The following AFG1L variants were observed in gnomAD, a reference collection of about 807,000 sequenced individuals.
The protein encoded by AFG1L is AFG1 like ATPase, also known as AFG1-like ATPase.
AFG1L carries 53 observed loss-of-function variants against 62.2 expected under a neutral mutation model. That is an observed-to-expected ratio of 0.85 (90% CI 0.68 to 1.07). The LOEUF (loss-of-function observed/expected upper bound fraction) is 1.07, where lower values mean the gene tolerates loss of function less well. Ranked by LOEUF, AFG1L falls within the 50% of genes least tolerant of loss-of-function variation. The pLI, the probability that AFG1L is intolerant of heterozygous loss-of-function variation, is 0.00. For missense variants in AFG1L, 555 were observed against 590.5 expected (o/e 0.94, Z 0.62); for synonymous variants, 228 against 210.3 (o/e 1.08, Z -0.73).
chr6:108,510,436 T>G lies in AFG1L; in HGVS notation c.1203+84T>G, dbSNP rs1774602009. ...CTGGGCTGGAAATCCTGACTTAACA[T>G]ACTTCTATCACTTACTGCACCTCTT... On this transcript the variant is annotated intron_variant, in intron 11 of 12. Coordinates refer to ENST00000368977, the MANE Select transcript of AFG1L (RefSeq NM_145315.5). 40 of 1,037,084 alleles carry G rather than the reference T, an allele frequency of 3.9e-5. 1 individual carries two copies. In the South Asian group the frequency reaches 6.0e-4, roughly 16 times the overall value. 64.2% of individuals were successfully genotyped at this position (1,037,084 alleles called of 1,614,324 possible). A position where few individuals can be genotyped will look rare whatever the true frequency, so the allele number is the denominator to read the frequency against.
chr6:108,366,302 G>A lies in AFG1L; in HGVS notation c.718G>A (p.Val240Ile), dbSNP rs541941503. Residue 240 changes from valine (V) to isoleucine (I), a missense_variant, in exon 6 of 13, where the codon GTT becomes ATT. Transcript: ENST00000368977. ...AAATCTGTTCAAAAACGGGGTCGTC[G>A]TTGTGGCAACATCCAACAGGCCACC... is the stretch of plus-strand genomic sequence containing the variant. ...FENLFKNGVVVVATSNRPPED... is the reference protein window; with the variant it reads ...FENLFKNGVVIVATSNRPPED... 1.7e-5 allele frequency: 27 copies of A among 1,611,924 alleles called. No individual in the cohort carries two copies. Among genetic ancestry groups the A allele is most frequent in the Middle Eastern group, 1.7e-4 (1 of 6,048 alleles).
At chr6:108,462,369 A>C (rs1291042094) in intron 8 of AFG1L, among the ~76,000 whole-genome samples, 1 of 152,060 alleles carries the variant, frequency 6.6e-6, no homozygotes, top group Non-Finnish European at 1.5e-5. Context: ...GTGCCACTGC[A>C]CTCCAGCCTG....
At chr6:108,430,773 T>C (rs1355553964) in intron 7 of AFG1L, among the ~76,000 whole-genome samples, 1 of 152,234 alleles carries the variant, frequency 6.6e-6, no homozygotes, top group African/African-American at 2.4e-5. Context: ...TAAAAGGCAG[T>C]GGGGCATTTT....
intron 8 of AFG1L, among the ~76,000 whole-genome samples, chr6:108,452,949 T>C (rs1206275016): frequency 1.3e-5 from 2 of 152,196 alleles, no homozygotes; most frequent in African/African-American, 4.8e-5. Context: ...GGTTGCTCAC[T>C]ACACACACAA....
chr6:108,297,547 G>A (rs1010431751), intron 1 of AFG1L, among the ~76,000 whole-genome samples: 1 of 151,736 alleles, frequency 6.6e-6, no homozygotes, highest in Non-Finnish European at 1.5e-5. Flanking sequence ...ATCTTTTGAA[G>A]TCTACTATTT....
chr6:108,506,621 C>T (rs1774430800), intron 10 of AFG1L, among the ~76,000 whole-genome samples: 1 of 151,920 alleles, frequency 6.6e-6, no homozygotes, highest in Non-Finnish European at 1.5e-5. Flanking sequence ...GATCCACCCA[C>T]CTCAGGTTCC....
At chr6:108,331,676 G>A (rs1778283281) in intron 2 of AFG1L, among the ~76,000 whole-genome samples, 1 of 152,176 alleles carries the variant, frequency 6.6e-6, no homozygotes, top group African/African-American at 2.4e-5. Context: ...TGTGCTGTGA[G>A]GTAATTAGGC....
Position 108,424,865 on chromosome 6 carries a change from G to T in AFG1L, c.808-22349G>T, listed in dbSNP as rs116992602. Among the ~76,000 whole-genome samples the T allele has an allele frequency of 4.8e-3, 727 of 152,204 alleles. 2 individuals are homozygous for T. The highest frequency in any genetic ancestry group is 6.6e-3 in the Non-Finnish European group (450 of 67,986). ...CAAGTTTCAGAGGTTGATGAAACTG[G>T]AGTTTTGTTTTGCCTTTTGTTTTCT... On this transcript the variant is annotated intron_variant, in intron 7 of 12. Coordinates refer to ENST00000368977, the MANE Select transcript of AFG1L (RefSeq NM_145315.5).
chr6:108,507,472 T>C (rs1272850277), intron 10 of AFG1L, among the ~76,000 whole-genome samples: 6 of 152,202 alleles, frequency 3.9e-5, no homozygotes, highest in Non-Finnish European at 8.8e-5. Flanking sequence ...TAATGGCAAA[T>C]GCAGAACCTA....
intron 8 of AFG1L, among the ~76,000 whole-genome samples, chr6:108,464,277 T>G (rs1198598891): frequency 6.6e-6 from 1 of 152,228 alleles, no homozygotes; most frequent in Non-Finnish European, 1.5e-5. Flanking sequence ...TTTTGGAATT[T>G]TTGTTGAGAA....
intron 10 of AFG1L, among the ~76,000 whole-genome samples, chr6:108,496,206 A>G (rs560044838): frequency 3.2e-4 from 49 of 152,384 alleles, no homozygotes; most frequent in Middle Eastern, 6.8e-3. Context: ...TATACTGTGC[A>G]TGTAATTTAG....
chr6:108,512,393 T>C (rs1419492549), intron 11 of AFG1L, among the ~76,000 whole-genome samples: 1 of 152,062 alleles, frequency 6.6e-6, no homozygotes, highest in Non-Finnish European at 1.5e-5. Context: ...ATGGGTAATC[T>C]GGAGAGGCAG....
chr6:108,413,002 T>G (rs1185812293), intron 7 of AFG1L, among the ~76,000 whole-genome samples: 4 of 152,152 alleles, frequency 2.6e-5, no homozygotes, highest in African/African-American at 9.7e-5. Flanking sequence ...CCCATCAGTG[T>G]GTTGTATTCA....
chr6:108,366,684 C>T (rs548152789), intron 6 of AFG1L, among the ~76,000 whole-genome samples: 136 of 151,594 alleles, frequency 9.0e-4, no homozygotes, highest in Non-Finnish European at 1.5e-3. Flanking sequence ...AGACGAAACT[C>T]ATAATTAAAT....
chr6:108,494,333 C>T (rs1286397430), intron 10 of AFG1L, among the ~76,000 whole-genome samples: 1 of 151,982 alleles, frequency 6.6e-6, no homozygotes, highest in Non-Finnish European at 1.5e-5. Flanking sequence ...CTCTTTATTA[C>T]ATACACAAAG....
chr6:108,482,224 A>G (rs1773350410), intron 10 of AFG1L, among the ~76,000 whole-genome samples: 1 of 152,220 alleles, frequency 6.6e-6, no homozygotes, highest in African/African-American at 2.4e-5. Context: ...ATCATACATG[A>G]CAAAAGATCT....
intron 7 of AFG1L, among the ~76,000 whole-genome samples, chr6:108,408,956 A>G (rs1457019435): frequency 6.7e-6 from 1 of 149,734 alleles, no homozygotes; most frequent in Non-Finnish European, 1.5e-5. Context: ...TCTCTCACAC[A>G]TTTAGAGGAA....
At chr6:108,366,201 T>G in intron 5 of AFG1L, 32 bp from the exon 6 acceptor site, 1 of 1,383,258 alleles carries the variant, frequency 7.2e-7, no homozygotes, top group Non-Finnish European at 1.0e-6. Context: ...AGAAGTGAAA[T>G]TAAAATAAAA....
rs1780684399 is a variant in AFG1L, at chr6:108,384,608, AG to A, written c.749-17387del. Among the ~76,000 whole-genome samples, 5 of 152,360 alleles carry A rather than the reference AG, an allele frequency of 3.3e-5. No individual in the cohort carries two copies. The South Asian group carries it at 1.0e-3, about 32-fold the overall frequency. On this transcript the variant is annotated intron_variant, in intron 6 of 12. Transcript: ENST00000368977. Reference sequence around the variant, plus strand: ...GTGTCCCATTCTGAAGACAAAAAGCAGTTAACAGAGACTATCCCCCAATATG... The same window carrying A: ...GTGTCCCATTCTGAAGACAAAAAGCATTAACAGAGACTATCCCCCAATATG...
Sources: allele counts gnomAD v4.1 joint callset (sites outside exome capture counted in the v4.1 genomes callset), GRCh38; gene constraint gnomAD v4.1.1; transcripts MANE v1.5; gene names NCBI Gene and HGNC (gene_info 2026-07-23, HGNC 2026-07-21).